POLG: variants seen among roughly 807,000 people sequenced by gnomAD.
POLG encodes the protein DNA polymerase subunit gamma-1.
POLG carries 110 observed loss-of-function variants against 155.4 expected under a neutral mutation model. That is an observed-to-expected ratio of 0.71 (90% CI 0.61 to 0.83). The LOEUF (loss-of-function observed/expected upper bound fraction) is 0.83. POLG is among the 40% of genes least tolerant of loss of function. The probability of loss-of-function intolerance (pLI) is 0.00; values close to 1 mark genes in which losing one functional copy is unlikely to be tolerated. For missense variants in POLG, 1,685 were observed against 1,627.5 expected, an observed-to-expected ratio of 1.04 and a Z score of -0.61; for synonymous variants, 701 against 631.5, an observed-to-expected ratio of 1.11 and a Z score of -1.65.
rs533807211 is a variant in POLG, at chr15:89,321,851, T to C, written c.2483A>G (p.His828Arg). 7.4e-6 allele frequency: 12 copies of C among 1,613,422 alleles called. No individual in the cohort carries two copies. Among genetic ancestry groups the C allele is most frequent in the Admixed American group, 5.0e-5 (3 of 60,014 alleles). ...RSALPRAVIR[H>R]PDYDEEGLYG... ...GAGGCCTTCCTCATCATAGTCGGGG[T>C]GCCTGGTGGGGTGCAGGGGAAGGAA... is the stretch of plus-strand genomic sequence containing the variant. The change falls in exon 16 of 23, where the codon CAC becomes CGC. Residue 828 changes from histidine (H) to arginine (R), a missense_variant and splice_region_variant. Coordinates refer to ENST00000268124, the MANE Select transcript of POLG (RefSeq NM_002693.3).
Position 89,318,910 on chromosome 15 carries a change from GC to G in POLG, c.3273+20del. The G allele has an allele frequency of 6.2e-7, 1 of 1,613,748 alleles. No homozygotes were observed. Among genetic ancestry groups the G allele is most frequent in the East Asian group, 2.2e-5 (1 of 44,876 alleles). On this transcript the variant is annotated intron_variant, in intron 20 of 22. Transcript: ENST00000268124. ...CCCTCCCTGGGGCCCCTCTGCCCAT[GC>G]TCCAAAGGTAGCAAGATACCTCTTC...
In POLG at chr15:89,325,634, G is replaced by T. The variant is rs1447550385; in HGVS notation, c.1765C>A (p.Pro589Thr). ...RLDDPAWTPG[P>T]SLLSLQMRVT... is the part of the protein sequence containing the mutation. ...CGCATCTGCAGGCTGAGGAGGCTGG[G>T]GCCCGGGGTCCATGCAGGGTCGTCT... is the stretch of plus-strand genomic sequence containing the variant. Residue 589 changes from proline to threonine, a missense_variant, in exon 10 of 23, where the codon CCC becomes ACC. Physicochemically the swap from Pro to Thr is conservative, Grantham distance 38. Coordinates refer to ENST00000268124, the MANE Select transcript of POLG (RefSeq NM_002693.3). 9.9e-6 allele frequency: 16 copies of T among 1,612,884 alleles called. No individual in the cohort carries two copies. Among genetic ancestry groups the T allele is most frequent in the Non-Finnish European group, 1.3e-5 (15 of 1,180,018 alleles).
Position 89,330,765 on chromosome 15 carries a change from C to G in POLG, c.660-489G>C, listed in dbSNP as rs2055584068. Among the ~76,000 whole-genome samples the G allele has an allele frequency of 3.3e-5, 5 of 149,596 alleles. 1 individual carries two copies. The highest frequency in any genetic ancestry group is 3.3e-4 in the Admixed American group (5 of 15,054). ...AAAAAATGACAAATGCTGCTGCACACATGTACAGGATGAATCATCTCACGG... is the reference window on the plus strand; with the variant it reads ...AAAAAATGACAAATGCTGCTGCACAGATGTACAGGATGAATCATCTCACGG... On this transcript the variant is annotated intron_variant, in intron 2 of 22. Coordinates refer to ENST00000268124, the MANE Select transcript of POLG (RefSeq NM_002693.3).
At position 89,325,550 on chromosome 15, in the gene POLG, G is replaced by A. The variant is rs144374017; in HGVS notation, c.1849C>T (p.Arg617Cys). The A allele has an allele frequency of 1.2e-5, 19 of 1,613,228 alleles. No homozygotes were observed. The highest frequency in any genetic ancestry group is 2.2e-5 in the East Asian group (1 of 44,884). The stretch of plus-strand genomic sequence containing the variant: ...GGCACCAAGTAGCCCCAGCCATGAC[G>A]CTCTGAGTAGTGCAGAGGGAAGCCA... ...WDGFPLHYSE[R>C]HGWGYLVPGR... Residue 617 changes from arginine (R) to cysteine (C), a missense_variant, in exon 10 of 23, where the codon CGT (arginine) becomes TGT (cysteine). By Grantham distance (180) the Arg-to-Cys change is radical. Around this residue, in one of 3 missense-constraint regions of POLG, gnomAD observed 1,210 missense variants for 1,167.1 expected, o/e 1.04. Coordinates refer to ENST00000268124, the MANE Select transcript of POLG (RefSeq NM_002693.3).
chr15:89,330,420 A>C, intron 2 of POLG, 144 bp from the exon 3 acceptor site: 1 of 717,906 alleles, frequency 1.4e-6, no homozygotes, highest in East Asian at 2.7e-5. Context: ...CTCCTAACTC[A>C]AACAGCTACA....
intron 14 of POLG, among the ~76,000 whole-genome samples, chr15:89,322,436 G>A (rs1292487841): frequency 6.6e-6 from 1 of 152,220 alleles, no homozygotes; most frequent in Non-Finnish European, 1.5e-5. Flanking sequence ...GCCCCCAACA[G>A]GGCTTACAGG....
chr15:89,322,920 A>C lies in POLG; in HGVS notation c.2266-18T>G, dbSNP rs1177758082. 6.2e-7 allele frequency: 1 copy of C among 1,610,098 alleles called. No homozygotes were observed. Among genetic ancestry groups the C allele is most frequent in the Non-Finnish European group, 8.5e-7 (1 of 1,178,268 alleles). The stretch of plus-strand genomic sequence containing the variant: ...TTACCATCCTGGACAGAGCAAAGGA[A>C]GCAGGGGCTGGAGGCAGGTGGCAGA... On this transcript the variant is annotated intron_variant, in intron 13 of 22. Coordinates refer to ENST00000268124, the MANE Select transcript of POLG (RefSeq NM_002693.3).
At chr15:89,327,605 A>C (rs186907682) in intron 6 of POLG, among the ~76,000 whole-genome samples, 4 of 152,372 alleles carry the variant, frequency 2.6e-5, no homozygotes, top group East Asian at 3.8e-4. Flanking sequence ...TATAGATGGC[A>C]AAAGTGAAAA....
At position 89,318,971 on chromosome 15, in the gene POLG, C is replaced by T; in HGVS notation, c.3233G>A (p.Cys1078Tyr). The T allele has an allele frequency of 6.2e-7, 1 of 1,614,170 alleles. No homozygotes were observed. The highest frequency in any genetic ancestry group is 1.1e-5 in the South Asian group (1 of 91,084). Residue 1078 changes from cysteine to tyrosine, a missense_variant, in exon 20 of 23, where the codon TGC becomes TAC. By Grantham distance (194) the Cys-to-Tyr change is radical. Around this residue, in one of 3 missense-constraint regions of POLG, gnomAD observed 470 missense variants for 439.9 expected, o/e 1.07. Coordinates refer to ENST00000268124, the MANE Select transcript of POLG (RefSeq NM_002693.3). ...CGAGGGCTCCAGGGCTCGGCTGATG[C>T]AGCAGCCCAGCACCGGGGTACGTGG... ...DIPRTPVLGC[C>Y]ISRALEPSAV...
At chr15:89,329,537 T>C (rs1298572618) in intron 3 of POLG, among the ~76,000 whole-genome samples, 1 of 152,170 alleles carries the variant, frequency 6.6e-6, no homozygotes, top group African/African-American at 2.4e-5. Context: ...TAGGGTAAGG[T>C]TGCTCTCCCC....
intron 3 of POLG, among the ~76,000 whole-genome samples, chr15:89,329,824 T>C (rs1026598915): frequency 2.0e-5 from 3 of 152,166 alleles, no homozygotes; most frequent in Admixed American, 2.0e-4. Flanking sequence ...TCAAGACCCA[T>C]GCTAAGCTCT....
intron 2 of POLG, among the ~76,000 whole-genome samples, chr15:89,332,654 T>C (rs1207383655): frequency 6.6e-6 from 1 of 151,636 alleles, no homozygotes; most frequent in Non-Finnish European, 1.5e-5. Context: ...AGGCTGGGGA[T>C]GCTAAATGTC....
Position 89,324,213 on chromosome 15 carries a change from A to C in POLG, c.1964T>G (p.Leu655Arg). The C allele has an allele frequency of 1.2e-6, 2 of 1,613,126 alleles. No homozygotes were observed. Among genetic ancestry groups the C allele is most frequent in the Non-Finnish European group, 8.5e-7 (1 of 1,180,028 alleles). The change falls in exon 11 of 23, where the codon CTG becomes CGG. Residue 655 changes from leucine to arginine, a missense_variant. Transcript: ENST00000268124. ...VVCPYRAIES[L>R]YRKHCLEQGK... ...CTGTTCGAGACAGTGCTTCCTGTAC[A>C]GGGACTCGATGGCTCTGGGCAGAGA...
In POLG at chr15:89,328,780, C is replaced by T; in HGVS notation, c.1075G>A (p.Val359Met). 1 of 1,614,062 alleles carries T rather than the reference C, an allele frequency of 6.2e-7. No individual in the cohort carries two copies. Among genetic ancestry groups the T allele is most frequent in the South Asian group, 1.1e-5 (1 of 91,088 alleles). Reference sequence around the variant, plus strand: ...GGCCCCCCTACATAAAGTCTGTGCACCTCTGCCAGACTGTTGACACTGCTG... The same window carrying T: ...GGCCCCCCTACATAAAGTCTGTGCATCTCTGCCAGACTGTTGACACTGCTG... ...DISSVNSLAE[V>M]HRLYVGGPPL... Residue 359 changes from valine to methionine, a missense_variant, in exon 5 of 23, where the codon GTG (valine) becomes ATG (methionine). This residue lies in a region of POLG where 1,210 missense variants were observed against 1,167.1 expected (regional missense o/e 1.04). Coordinates refer to ENST00000268124, the MANE Select transcript of POLG (RefSeq NM_002693.3).
chr15:89,328,843 G>C lies in POLG; in HGVS notation c.1024-12C>G, dbSNP rs1424878057. On this transcript the variant is annotated splice_polypyrimidine_tract_variant and intron_variant, in intron 4 of 22. Coordinates refer to ENST00000268124, the MANE Select transcript of POLG (RefSeq NM_002693.3). ...TCCCAGGATGAGATCTGGGGAACCA[G>C]AGCAAGGGACATGGCAGATCAGCCT... is the stretch of plus-strand genomic sequence containing the variant. 4 of 1,613,964 alleles carry C rather than the reference G, an allele frequency of 2.5e-6. No homozygotes were observed. The highest frequency in any genetic ancestry group is 3.3e-5 in the Admixed American group (2 of 60,016).
rs1371121920 is a variant in POLG, at chr15:89,316,823, T to G, written c.3648A>C (p.Glu1216Asp). The change falls in exon 23 of 23, where the codon GAA becomes GAC. Residue 1216 changes from glutamate to aspartate, a missense_variant. By Grantham distance (45) the Glu-to-Asp change is conservative. This residue lies in a region of POLG where 470 missense variants were observed against 439.9 expected (regional missense o/e 1.07). Coordinates refer to ENST00000268124, the MANE Select transcript of POLG (RefSeq NM_002693.3). ...MERRYGIPQG[E>D]ALDIYQIIEL... ...CAATTATCTGGTAAATATCCAGCGC[T>G]TCACCTGAAAGATAGTGCAAATTGG... 1.2e-6 allele frequency: 2 copies of G among 1,613,156 alleles called. No individual in the cohort carries two copies. Among genetic ancestry groups the G allele is most frequent in the Admixed American group, 1.7e-5 (1 of 60,018 alleles).
Position 89,321,849 on chromosome 15 carries a change from G to A in POLG, c.2485C>T (p.Pro829Ser), listed in dbSNP as rs906230544. 1.9e-6 allele frequency: 3 copies of A among 1,613,466 alleles called. No homozygotes were observed. In the South Asian group the frequency reaches 3.3e-5, roughly 18 times the overall value. The change falls in exon 16 of 23, where the codon CCC becomes TCC. Residue 829 changes from proline to serine, a missense_variant. Physicochemically the swap from Pro to Ser is moderately conservative, Grantham distance 74 (BLOSUM62 -1). Transcript: ENST00000268124. ...TAGAGGCCTTCCTCATCATAGTCGG[G>A]GTGCCTGGTGGGGTGCAGGGGAAGG... ...SALPRAVIRH[P>S]DYDEEGLYGA...
chr15:89,322,096 C>A, intron 14 of POLG, 81 bp from the exon 15 acceptor site: 1 of 1,317,844 alleles, frequency 7.6e-7, no homozygotes, highest in East Asian at 2.3e-5. Context: ...CCCTCACCTG[C>A]CCACCTCCAG....
intron 9 of POLG, 36 bp from the exon 10 acceptor site, chr15:89,325,722 G>GTA: frequency 1.4e-6 from 2 of 1,466,370 alleles, no homozygotes; most frequent in South Asian, 2.3e-5. Context: ...TGTCACGATG[G>GTA]TAAGGGCAGT....
Sources: allele counts gnomAD v4.1 joint callset (sites outside exome capture counted in the v4.1 genomes callset), GRCh38; gene constraint gnomAD v4.1.1; regional missense constraint gnomAD v4.1.1; transcripts MANE v1.5; gene names NCBI Gene and HGNC (gene_info 2026-07-23, HGNC 2026-07-21).